Variants in PRKCQ observed in about 807,000 individuals in gnomAD.
PRKCQ encodes protein kinase C theta type.
In PRKCQ, 41 loss-of-function variants were observed where a neutral mutation model predicts 91.2. That is an observed-to-expected ratio of 0.45 (90% CI 0.35 to 0.58). The LOEUF (loss-of-function observed/expected upper bound fraction) is 0.58. Ranked by LOEUF, PRKCQ falls within the 20% of genes least tolerant of loss-of-function variation. The pLI, the probability that PRKCQ is intolerant of heterozygous loss-of-function variation, is 0.00. For missense variants in PRKCQ, 673 were observed against 896.5 expected (o/e 0.75, Z 3.18); for synonymous variants, 307 against 316.9 (o/e 0.97, Z 0.33).
At chr10:6,559,177 C>T (rs1302670159) in intron 1 of PRKCQ, among the ~76,000 whole-genome samples, 2 of 152,170 alleles carry the variant, frequency 1.3e-5, no homozygotes, top group Non-Finnish European at 2.9e-5. Flanking sequence ...CCTTATACTA[C>T]GCTCACTAGG....
intron 1 of PRKCQ, among the ~76,000 whole-genome samples, chr10:6,533,398 C>T (rs545370697): frequency 4.6e-5 from 7 of 152,076 alleles, no homozygotes; most frequent in Admixed American, 1.3e-4. Context: ...GGTTTCACCA[C>T]GTTGGCCAGG....
At chr10:6,423,175 C>T (rs1340315628), downstream of PRKCQ, among the ~76,000 whole-genome samples, 1 of 152,090 alleles carries the variant, frequency 6.6e-6, no homozygotes, top group Non-Finnish European at 1.5e-5. Context: ...ATGTGTTGGC[C>T]CTTTCAGCCT....
the PRKCQ span, among the ~76,000 whole-genome samples, chr10:6,395,085 C>T: frequency 3.0e-5 from 3 of 101,480 alleles, no homozygotes; most frequent in South Asian, 6.4e-4. Context: ...TTTTTTGAGA[C>T]GGAGTCTCGC....
At chr10:6,454,614 G>C (rs1358515402) in intron 15 of PRKCQ, among the ~76,000 whole-genome samples, 1 of 152,164 alleles carries the variant, frequency 6.6e-6, no homozygotes, top group Non-Finnish European at 1.5e-5. Flanking sequence ...AATTCACCAA[G>C]AAAGAAAAGG....
the PRKCQ span, among the ~76,000 whole-genome samples, chr10:6,403,896 A>G: frequency 3.9e-5 from 6 of 152,114 alleles, no homozygotes; most frequent in Non-Finnish European, 8.8e-5. Flanking sequence ...AGTCACACAC[A>G]CACTCATTTA....
chr10:6,493,530 A>G (rs374657630), intron 7 of PRKCQ, among the ~76,000 whole-genome samples: 6 of 152,202 alleles, frequency 3.9e-5, no homozygotes, highest in African/African-American at 1.4e-4. Flanking sequence ...TGAACAAGAA[A>G]TCAAAATATC....
At chr10:6,508,420 A>G (rs543105569) in intron 3 of PRKCQ, among the ~76,000 whole-genome samples, 1 of 152,374 alleles carries the variant, frequency 6.6e-6, no homozygotes, top group East Asian at 1.9e-4. Flanking sequence ...TCGTGGCTAA[A>G]TAATTTTCTG....
intron 9 of PRKCQ, 30 bp downstream of exon 9, chr10:6,486,005 C>G (rs1266394611): frequency 6.3e-7 from 1 of 1,577,272 alleles, no homozygotes; most frequent in African/African-American, 1.3e-5. Flanking sequence ...GCGGCCATGG[C>G]GGGAACGTGT....
intron 14 of PRKCQ, among the ~76,000 whole-genome samples, chr10:6,461,065 T>C (rs1835311364): frequency 6.6e-6 from 1 of 151,350 alleles, no homozygotes; most frequent in African/African-American, 2.4e-5. Context: ...CATCTGTTCA[T>C]CTACTCATCA....
chr10:6,530,270 G>A (rs962655981), intron 1 of PRKCQ, among the ~76,000 whole-genome samples: 1 of 152,164 alleles, frequency 6.6e-6, no homozygotes, highest in African/African-American at 2.4e-5. Flanking sequence ...TGGCGTCAGA[G>A]TCAGAGCAAG....
intron 1 of PRKCQ, among the ~76,000 whole-genome samples, chr10:6,560,025 G>A (rs1379879971): frequency 6.6e-6 from 1 of 152,218 alleles, no homozygotes; most frequent in African/African-American, 2.4e-5. Context: ...ACGAGGGTCA[G>A]TACCTTTCTC....
intron 1 of PRKCQ, among the ~76,000 whole-genome samples, chr10:6,564,541 G>A (rs1198779650): frequency 6.6e-6 from 1 of 152,042 alleles, no homozygotes; most frequent in Non-Finnish European, 1.5e-5. Context: ...TATGGAGGAA[G>A]ACGGGGTGGG....
chr10:6,540,032 GCAC>G (rs1470491719), intron 1 of PRKCQ, among the ~76,000 whole-genome samples: 2 of 152,110 alleles, frequency 1.3e-5, no homozygotes, highest in African/African-American at 4.8e-5. Context: ...AGGGTGGCCA[GCAC>G]CCTCTTCTGC....
chr10:6,464,434 T>C, intron 12 of PRKCQ, 30 bp from the exon 13 acceptor site: 2 of 1,512,212 alleles, frequency 1.3e-6, no homozygotes, highest in South Asian at 1.1e-5. Flanking sequence ...TTCCAACTTT[T>C]ATTTCATTTC....
chr10:6,488,487 G>A (rs1837056679), intron 8 of PRKCQ, among the ~76,000 whole-genome samples: 1 of 151,552 alleles, frequency 6.6e-6, no homozygotes, highest in Non-Finnish European at 1.5e-5. Context: ...CCGGATTCAA[G>A]AGATTCTCCT....
At chr10:6,479,379 T>C (rs906916709) in intron 11 of PRKCQ, among the ~76,000 whole-genome samples, 4 of 152,132 alleles carry the variant, frequency 2.6e-5, no homozygotes, top group African/African-American at 7.2e-5. Flanking sequence ...TTGTACTCTT[T>C]CCAAGGGTTC....
chr10:6,569,499 C>G (rs1346513268), intron 1 of PRKCQ, among the ~76,000 whole-genome samples: 1 of 152,120 alleles, frequency 6.6e-6, no homozygotes, highest in African/African-American at 2.4e-5. Flanking sequence ...CCCGGGGGCA[C>G]TGGGTAGCCT....
the PRKCQ span, among the ~76,000 whole-genome samples, chr10:6,410,086 C>G: frequency 6.6e-6 from 1 of 152,082 alleles, no homozygotes; most frequent in South Asian, 2.1e-4. Flanking sequence ...CACTGCTCAA[C>G]GAATGTCTCC....
intron 1 of PRKCQ, among the ~76,000 whole-genome samples, chr10:6,531,424 G>T (rs569503593): frequency 6.6e-6 from 1 of 151,290 alleles, no homozygotes; most frequent in East Asian, 1.9e-4. Flanking sequence ...CTGGTATCTA[G>T]TAGGGTGAGG....
Sources: gnomAD v4.1 joint callset for allele counts (sites outside exome capture counted in the v4.1 genomes callset) on GRCh38, gnomAD v4.1.1 for gene constraint, MANE v1.5 for transcripts, NCBI Gene and HGNC (gene_info 2026-07-23, HGNC 2026-07-21) for gene names.